LSP1: variants seen among roughly 807,000 people sequenced by gnomAD.
LSP1 encodes the protein lymphocyte-specific protein 1.
In LSP1, 32 loss-of-function variants were observed where a neutral mutation model predicts 49.3. That is an observed-to-expected ratio of 0.65 (90% CI 0.49 to 0.87). LSP1 has a LOEUF of 0.87. LSP1 is among the 40% of genes least tolerant of loss of function. LSP1 has a pLI of 0.00. For missense variants in LSP1, 428 were observed against 442.6 expected (o/e 0.97, Z 0.30); for synonymous variants, 179 against 178.8 (o/e 1.00, Z -0.01).
At chr11:1,860,253 G>A (rs1337605199) in intron 1 of LSP1, among the ~76,000 whole-genome samples, 2 of 152,190 alleles carry the variant, frequency 1.3e-5, no homozygotes, top group South Asian at 4.1e-4. Context: ...ATGGATGGAT[G>A]GATGGATGGA....
intron 1 of LSP1, among the ~76,000 whole-genome samples, chr11:1,867,283 G>C (rs1376958291): frequency 1.3e-5 from 2 of 152,082 alleles, no homozygotes; most frequent in African/African-American, 4.8e-5. Flanking sequence ...GCTGACACGT[G>C]TGCACTAATA....
chr11:1,886,644 C>T, intron 7 of LSP1, 88 bp from the exon 8 acceptor site: 1 of 1,430,138 alleles, frequency 7.0e-7, no homozygotes, highest in Non-Finnish European at 9.4e-7. Flanking sequence ...AACACAAACA[C>T]AAAGCAGACG....
intron 1 of LSP1, among the ~76,000 whole-genome samples, chr11:1,869,898 C>T (rs1340577581): frequency 2.0e-5 from 3 of 152,072 alleles, no homozygotes; most frequent in Admixed American, 1.3e-4. Context: ...AGGAGCAGCA[C>T]CTCTTCTGGC....
chr11:1,884,151 G>C lies in LSP1; in HGVS notation c.591+127G>C. The C allele has an allele frequency of 7.0e-7, 1 of 1,425,372 alleles. No individual in the cohort carries two copies. The highest frequency in any genetic ancestry group is 1.2e-5 in the South Asian group (1 of 85,698). The allele number at this position is 1,425,372 out of a possible 1,614,324, so 88.3% of individuals were successfully genotyped here. On this transcript the variant is annotated intron_variant, in intron 5 of 10. Coordinates refer to ENST00000311604, the MANE Select transcript of LSP1 (RefSeq NM_002339.3). The surrounding 1 kb of genome is among the most constrained non-coding windows in gnomAD (Gnocchi z 4.1). The stretch of plus-strand genomic sequence containing the variant: ...GGCTTTTGTCTGCTATCCCCCCATT[G>C]CCCGGTGCTCAGCGAACCCCCATGA...
chr11:1,889,146 C>T lies in LSP1; in HGVS notation c.*13+1570C>T, dbSNP rs768232934. ...GCTCTGGGGGCCATTCTGGCCACTT[C>T]ACTGGAGCCTCCAGCCAGTCGCTGT... On this transcript the variant is annotated intron_variant, in intron 10 of 10. Coordinates refer to ENST00000311604, the MANE Select transcript of LSP1 (RefSeq NM_002339.3). 25 of 655,812 alleles carry T rather than the reference C, an allele frequency of 3.8e-5. 1 individual carries two copies. The East Asian group carries it at 6.4e-4, about 17-fold the overall frequency. 40.6% of individuals were successfully genotyped at this position (655,812 alleles called of 1,614,324 possible).
At chr11:1,857,836 C>T (rs989653456) in intron 1 of LSP1, among the ~76,000 whole-genome samples, 1 of 152,132 alleles carries the variant, frequency 6.6e-6, no homozygotes, top group Non-Finnish European at 1.5e-5. Context: ...CTCACTGGAA[C>T]CTCCGCCCTC....
In LSP1 at chr11:1,887,680, A is replaced by T. The variant is rs113790154; in HGVS notation, c.*13+104A>T. ...GCCTGGAGCCCTGTTGCAGGCTACA[A>T]GGGTGGACTCCGAGTTGGCCAGAAC... On this transcript the variant is annotated intron_variant, in intron 10 of 10. Transcript: ENST00000311604. 1.4e-5 allele frequency: 12 copies of T among 849,814 alleles called. 1 individual carries two copies. Among genetic ancestry groups the T allele is most frequent in the South Asian group, 1.3e-4 (8 of 62,820 alleles). The allele number at this position is 849,814 out of a possible 1,614,324, so 52.6% of individuals were successfully genotyped here. A position where few individuals can be genotyped will look rare whatever the true frequency, so the allele number is the denominator to read the frequency against.
chr11:1,871,045 C>G, intron 1 of LSP1: 1 of 985,586 alleles, frequency 1.0e-6, no homozygotes, highest in Non-Finnish European at 1.2e-6. Flanking sequence ...TAGACGCATG[C>G]GAGGGTGAGA....
chr11:1,869,304 T>G, intron 1 of LSP1: 5 of 258,674 alleles, frequency 1.9e-5, no homozygotes, highest in South Asian at 4.0e-5. Context: ...GCTGTGAGGG[T>G]CTCTTGACGA....
chr11:1,856,507 A>G (rs1052897681), intron 1 of LSP1, among the ~76,000 whole-genome samples: 17 of 152,340 alleles, frequency 1.1e-4, no homozygotes, highest in African/African-American at 3.8e-4. Context: ...TGCCATGGAC[A>G]GGGCCAGTCC....
rs1849023850 is a variant in LSP1, at chr11:1,892,082, T to C, written c.*323T>C. ...ACCCCTGGAGAGGCCAAGTGCCTTC[T>C]AGGAAGTTAGGAGGTTGAGGCACAG... On this transcript the variant is annotated 3_prime_UTR_variant, in exon 11 of 11. Transcript: ENST00000311604. 6.6e-6 allele frequency: 1 copy of C among 151,242 alleles called. No homozygotes were observed. Among genetic ancestry groups the C allele is most frequent in the Non-Finnish European group, 1.5e-5 (1 of 67,774 alleles). 9.4% of individuals were successfully genotyped at this position (151,242 alleles called of 1,614,324 possible).
chr11:1,867,067 T>C (rs958917039), intron 1 of LSP1, among the ~76,000 whole-genome samples: 10 of 149,536 alleles, frequency 6.7e-5, no homozygotes, highest in Admixed American at 6.6e-4. Context: ...CCGCGTGGGC[T>C]CAGGCTCGGG....
At position 1,876,541 on chromosome 11, in the gene LSP1, G is replaced by A. The variant is rs372251236; in HGVS notation, c.54-3546G>A. 6.8e-5 allele frequency: 67 copies of A among 985,600 alleles called. No homozygotes were observed. In the African/African-American group the frequency reaches 1.1e-3, roughly 16 times the overall value. The allele number at this position is 985,600 out of a possible 1,614,324, so 61.1% of individuals were successfully genotyped here. On this transcript the variant is annotated intron_variant, in intron 1 of 10. Coordinates refer to ENST00000311604, the MANE Select transcript of LSP1 (RefSeq NM_002339.3). Reference sequence around the variant, plus strand: ...CTCTCCAGCCGCCCTCTGGGCTCAGGACAGCCGGGTGGGGCAGCCACAGGA... The same window carrying A: ...CTCTCCAGCCGCCCTCTGGGCTCAGAACAGCCGGGTGGGGCAGCCACAGGA...
intron 1 of LSP1, chr11:1,866,453 G>A: frequency 6.9e-7 from 1 of 1,456,040 alleles, no homozygotes; most frequent in African/African-American, 1.4e-5. Flanking sequence ...CCCACTTGTT[G>A]GGTCCGTGCA....
chr11:1,890,379 A>T (rs1249280873), intron 10 of LSP1: 1 of 716,672 alleles, frequency 1.4e-6, no homozygotes, highest in Non-Finnish European at 2.6e-6. Context: ...GGCCTCACTC[A>T]CGGGGGACAG....
At position 1,881,745 on chromosome 11, in the gene LSP1, C is replaced by T. The variant is rs1848556874; in HGVS notation, c.356+149C>T. On this transcript the variant is annotated intron_variant, in intron 3 of 10. Transcript: ENST00000311604. The stretch of plus-strand genomic sequence containing the variant: ...CACCGCGGAGCTCCCTTCAGGCCCT[C>T]AACCTGCGCCTGAGCAGCCACCCCA... 6.2e-6 allele frequency: 5 copies of T among 806,398 alleles called. 1 individual carries two copies. The Admixed American group carries it at 1.6e-4, about 26-fold the overall frequency. 50.0% of individuals were successfully genotyped at this position (806,398 alleles called of 1,614,324 possible).
chr11:1,868,635 C>A (rs1440281262), intron 1 of LSP1: 7 of 984,748 alleles, frequency 7.1e-6, no homozygotes, highest in Non-Finnish European at 8.4e-6. Flanking sequence ...CCCATCCAGG[C>A]CTGAGATCCT....
rs550152138 is a variant in LSP1 at position 1,853,159 on chromosome 11, G to C, written c.15G>C (p.Ser5=). ...ACTACAGGCTGATGGCGGAGGCTTCGAGTGACCCGGGTGCCGAGGAGCGGG... is the reference window on the plus strand; with the variant it reads ...ACTACAGGCTGATGGCGGAGGCTTCCAGTGACCCGGGTGCCGAGGAGCGGG... MAEA[S]SDPGAEEREE... is the part of the protein sequence containing the mutation. Residue 5 remains serine (S), a synonymous_variant, in exon 1 of 11, where the codon TCG becomes TCC. Coordinates refer to ENST00000311604, the MANE Select transcript of LSP1 (RefSeq NM_002339.3). The C allele has an allele frequency of 3.7e-6, 6 of 1,611,400 alleles. No homozygotes were observed. In the African/African-American group the frequency reaches 4.0e-5, roughly 11 times the overall value.
At chr11:1,866,740 C>A (rs1025737858) in intron 1 of LSP1, 1 of 1,550,536 alleles carries the variant, frequency 6.4e-7, no homozygotes, top group African/African-American at 1.4e-5. Context: ...TGCCTGGGGT[C>A]AATCCCCCAG....
Sources: allele counts gnomAD v4.1 joint callset (sites outside exome capture counted in the v4.1 genomes callset), GRCh38; gene constraint gnomAD v4.1.1; non-coding constraint Gnocchi (gnomAD v3.1); transcripts MANE v1.5; gene names NCBI Gene and HGNC (gene_info 2026-07-23, HGNC 2026-07-21).